TEX2: variants seen among roughly 807,000 people sequenced by gnomAD.
TEX2 encodes the protein testis expressed 2, also known as testis-expressed protein 2.
TEX2 carries 53 observed loss-of-function variants against 106.9 expected under a neutral mutation model. That is an observed-to-expected ratio of 0.50 (90% CI 0.40 to 0.62). The LOEUF (loss-of-function observed/expected upper bound fraction) is 0.62, where lower values mean the gene tolerates loss of function less well. TEX2 is among the 20% of genes least tolerant of loss of function. The pLI is 0.00. For synonymous variants in TEX2, 523 were observed against 534.8 expected (o/e 0.98, Z 0.30); for missense variants, 1,207 against 1,379.0 (o/e 0.88, Z 1.98).
rs754980614 is a variant in TEX2, at chr17:64,154,827, C to T, written c.2930+15G>A. 6.3e-6 allele frequency: 10 copies of T among 1,579,910 alleles called. No individual in the cohort carries two copies. The African/African-American group carries it at 1.2e-4, about 19-fold the overall frequency. On this transcript the variant is annotated intron_variant, in intron 9 of 11. Coordinates refer to ENST00000584379, the MANE Select transcript of TEX2 (RefSeq NM_001288732.2). The stretch of plus-strand genomic sequence containing the variant: ...CCCTGGAGACTCAGAGGCACAGAAG[C>T]ACTGATCCACTCACCCTTCAGCCCC...
chr17:64,251,295 G>A (rs1490417752), intron 1 of TEX2, among the ~76,000 whole-genome samples: 1 of 152,116 alleles, frequency 6.6e-6, no homozygotes, highest in Non-Finnish European at 1.5e-5. Flanking sequence ...CACCACTTTG[G>A]TACCTAGAAT....
At chr17:64,247,593 A>C (rs2034014380) in intron 1 of TEX2, among the ~76,000 whole-genome samples, 1 of 152,170 alleles carries the variant, frequency 6.6e-6, no homozygotes, top group African/African-American at 2.4e-5. Flanking sequence ...AGGCTTGCGC[A>C]CGGATGCCCC....
chr17:64,202,779 A>G (rs1217175543), intron 2 of TEX2, among the ~76,000 whole-genome samples: 1 of 152,230 alleles, frequency 6.6e-6, no homozygotes, highest in Non-Finnish European at 1.5e-5. Flanking sequence ...GAAAACTCTG[A>G]GATGCTCTCA....
At chr17:64,259,382 A>G (rs2034247782) in intron 1 of TEX2, among the ~76,000 whole-genome samples, 1 of 152,232 alleles carries the variant, frequency 6.6e-6, no homozygotes, top group Non-Finnish European at 1.5e-5. Flanking sequence ...TGTATAACCT[A>G]TGAGTTGCTT....
At chr17:64,197,412 T>C (rs2032510377) in intron 2 of TEX2, among the ~76,000 whole-genome samples, 1 of 152,212 alleles carries the variant, frequency 6.6e-6, no homozygotes, top group Non-Finnish European at 1.5e-5. Flanking sequence ...CATAATGTTG[T>C]TTACAATATT....
chr17:64,207,735 T>C (rs1555630941), intron 2 of TEX2, among the ~76,000 whole-genome samples: 1 of 151,888 alleles, frequency 6.6e-6, no homozygotes, highest in African/African-American at 2.4e-5. Flanking sequence ...TTTGCCTTTT[T>C]TTTTTCTTTT....
Position 64,247,578 on chromosome 17 carries a change from C to T in TEX2, c.-26+15590G>A, listed in dbSNP as rs570797297. Among the ~76,000 whole-genome samples the T allele has an allele frequency of 1.1e-4, 17 of 152,290 alleles. No individual in the cohort carries two copies. The South Asian group carries it at 1.5e-3, about 13-fold the overall frequency. On this transcript the variant is annotated intron_variant, in intron 1 of 11. Coordinates refer to ENST00000584379, the MANE Select transcript of TEX2 (RefSeq NM_001288732.2). ...TGATCTGGTTTGAGCAGTGAGGAGG[C>T]GGCCAGGCTTGCGCACGGATGCCCC...
chr17:64,213,894 G>C lies in TEX2; in HGVS notation c.324C>G (p.Pro108=). The C allele has an allele frequency of 6.2e-7, 1 of 1,614,196 alleles. No homozygotes were observed. The highest frequency in any genetic ancestry group is 8.5e-7 in the Non-Finnish European group (1 of 1,180,020). Residue 108 remains proline (P), a synonymous_variant, in exon 2 of 12, where the codon CCC becomes CCG. Coordinates refer to ENST00000584379, the MANE Select transcript of TEX2 (RefSeq NM_001288732.2). The surrounding 1 kb of genome is among the most constrained non-coding windows in gnomAD (Gnocchi z 4.4). ...ACAGCTTTACAGTGTTCTTGGAGAC[G>C]GGCAAAATGGCAGGGGCCTGGGACA... ...LSVSQAPAIL[P]VSKNTVKLLE...
At chr17:64,152,535 G>A (rs931514361) in intron 10 of TEX2, among the ~76,000 whole-genome samples, 1 of 152,108 alleles carries the variant, frequency 6.6e-6, no homozygotes, top group African/African-American at 2.4e-5. Flanking sequence ...GGATAACAAT[G>A]GCATCTACCT....
chr17:64,188,386 T>G lies in TEX2; in HGVS notation c.2206A>C (p.Ser736Arg). ...CTGTGGGTCAGGTGCCCGGACGGAC[T>G]GTTGTGTCTGCTGTGTGCAGGCAAA... ...GLLPAHSRHN[S>R]PSGHLTHSRS... The change falls in exon 5 of 12, where the codon AGT becomes CGT. Residue 736 changes from serine (S) to arginine (R), a missense_variant. Around this residue, in one of 3 missense-constraint regions of TEX2, gnomAD observed 1,067 missense variants for 1,193.6 expected, o/e 0.89. Transcript: ENST00000584379. The G allele has an allele frequency of 6.2e-7, 1 of 1,614,214 alleles. No individual in the cohort carries two copies. The highest frequency in any genetic ancestry group is 8.5e-7 in the Non-Finnish European group (1 of 1,180,036).
At chr17:64,233,934 T>C (rs1438810988) in intron 1 of TEX2, among the ~76,000 whole-genome samples, 1 of 152,200 alleles carries the variant, frequency 6.6e-6, no homozygotes, top group Non-Finnish European at 1.5e-5. Context: ...CCTTACCTCC[T>C]GGGACGTGGT....
In TEX2 at chr17:64,213,528, C is replaced by T. The variant is rs782800966; in HGVS notation, c.690G>A (p.Ser230=). The change falls in exon 2 of 12, where the codon TCG becomes TCA. Residue 230 remains serine, a synonymous_variant. Transcript: ENST00000584379. The surrounding 1 kb of genome is among the most constrained non-coding windows in gnomAD (Gnocchi z 4.4). ...SLSTDTSRQE[S]DTVSYKPPDS... is the part of the protein sequence containing the mutation. Reference sequence around the variant, plus strand: ...CAGGTGGCTTATAGGACACTGTATCCGACTCCTGCCGGGAAGTGTCCGTGG... The same window carrying T: ...CAGGTGGCTTATAGGACACTGTATCTGACTCCTGCCGGGAAGTGTCCGTGG... 37 of 1,613,920 alleles carry T rather than the reference C, an allele frequency of 2.3e-5. No individual in the cohort carries two copies. Among genetic ancestry groups the T allele is most frequent in the Admixed American group, 6.7e-5 (4 of 59,986 alleles).
Position 64,195,039 on chromosome 17 carries a change from T to C in TEX2, c.1701A>G (p.Thr567=). ...YDPETYHATL[T]HSVFVRLEGG... ...CCTCAAGTCGAACAAAGACTGAATG[T>C]GTCAAAGTCGCATGGTAGGTTTCTG... Residue 567 remains threonine (T), a synonymous_variant, in exon 3 of 12, where the codon ACA becomes ACG. Transcript: ENST00000584379. The surrounding 1 kb of genome is among the most constrained non-coding windows in gnomAD (Gnocchi z 4.1). The C allele has an allele frequency of 6.2e-7, 1 of 1,614,200 alleles. No individual in the cohort carries two copies. Among genetic ancestry groups the C allele is most frequent in the Non-Finnish European group, 8.5e-7 (1 of 1,180,014 alleles).
intron 7 of TEX2, among the ~76,000 whole-genome samples, chr17:64,167,710 T>G (rs1005911590): frequency 6.6e-6 from 1 of 152,028 alleles, no homozygotes; most frequent in Non-Finnish European, 1.5e-5. Context: ...TCCCAGCTAC[T>G]TGGGAGGCTG....
chr17:64,210,135 G>A (rs1254616747), intron 2 of TEX2, among the ~76,000 whole-genome samples: 6 of 152,104 alleles, frequency 3.9e-5, no homozygotes, highest in Admixed American at 1.3e-4. Flanking sequence ...AAGTTAGCAC[G>A]AACTTACTTG....
intron 6 of TEX2, among the ~76,000 whole-genome samples, chr17:64,172,906 T>C (rs1310593833): frequency 2.0e-5 from 3 of 152,192 alleles, no homozygotes; most frequent in African/African-American, 7.2e-5. Flanking sequence ...AAATTCCTAC[T>C]TCATCTCAAG....
At chr17:64,154,730 A>T in intron 9 of TEX2, 112 bp downstream of exon 9, 1 of 1,297,326 alleles carries the variant, frequency 7.7e-7, no homozygotes. Context: ...CCATCTACTC[A>T]ACATTAAAGA....
chr17:64,196,179 C>T (rs1336204624), intron 2 of TEX2, among the ~76,000 whole-genome samples: 2 of 152,178 alleles, frequency 1.3e-5, no homozygotes, highest in Non-Finnish European at 2.9e-5. Context: ...TATTAAAACA[C>T]GCATTGAATC....
At chr17:64,201,855 G>T (rs941987675) in intron 2 of TEX2, among the ~76,000 whole-genome samples, 20 of 152,188 alleles carry the variant, frequency 1.3e-4, no homozygotes, top group African/African-American at 4.8e-4. Context: ...TGTAACAAAT[G>T]TTTGTTGACT....
Sources: gnomAD v4.1 joint callset for allele counts (sites outside exome capture counted in the v4.1 genomes callset) on GRCh38, gnomAD v4.1.1 for gene constraint, gnomAD v4.1.1 regional missense constraint, Gnocchi (gnomAD v3.1) non-coding constraint, MANE v1.5 for transcripts, NCBI Gene and HGNC (gene_info 2026-07-23, HGNC 2026-07-21) for gene names.